The following SHISA5 variants were observed in gnomAD, a reference collection of about 807,000 sequenced individuals.
The protein encoded by SHISA5 is protein shisa-5.
In SHISA5, 21 loss-of-function variants were observed where a neutral mutation model predicts 27.5. The ratio of observed to expected loss-of-function variants is 0.76; its 90% CI spans 0.54 to 1.10. The LOEUF (loss-of-function observed/expected upper bound fraction) is 1.10, where lower values mean the gene tolerates loss of function less well. Ranked by LOEUF, SHISA5 falls within the 50% of genes least tolerant of loss-of-function variation. The pLI, the probability that SHISA5 is intolerant of heterozygous loss-of-function variation, is 0.00. For missense variants in SHISA5, 314 were observed against 336.3 expected, an observed-to-expected ratio of 0.93 and a Z score of 0.52; for synonymous variants, 137 against 142.2, an observed-to-expected ratio of 0.96 and a Z score of 0.26.
At chr3:48,496,764 A>G (rs2041566041) in intron 2 of SHISA5, among the ~76,000 whole-genome samples, 1 of 151,752 alleles carries the variant, frequency 6.6e-6, no homozygotes, top group Admixed American at 6.6e-5. Context: ...TTTAAACTAC[A>G]CTATTTATAA....
intron 2 of SHISA5, among the ~76,000 whole-genome samples, chr3:48,486,766 G>T (rs2041261086): frequency 6.7e-6 from 1 of 149,126 alleles, no homozygotes; most frequent in Admixed American, 6.8e-5. Context: ...ATAAAAATTT[G>T]CCAGGCATGG....
In SHISA5 at chr3:48,489,621, C is replaced by T. The variant is rs1299206906; in HGVS notation, c.234-10364G>A. ...ACAGGCTTGAGCCACTGCGCCTGGC[C>T]TTTTTTTTTTTTTTTTTTTTTTTTG... On this transcript the variant is annotated intron_variant, in intron 2 of 5. Transcript: ENST00000296444. Among the ~76,000 whole-genome samples, 368 of 80,904 alleles carry T rather than the reference C, an allele frequency of 4.5e-3. 3 individuals are homozygous for T. The highest frequency in any genetic ancestry group is 0.021 in the African/African-American group (356 of 17,086). 53.1% of individuals were successfully genotyped at this position (80,904 alleles called of 152,430 possible).
Position 48,501,369 on chromosome 3 carries a change from A to G in SHISA5, c.77-76T>C, listed in dbSNP as rs1377751444. Reference sequence around the variant, plus strand: ...GCAGACACAGCGCCCTCCCTGGCACAGCCACCAGACCACACACACACACAC... The same window carrying G: ...GCAGACACAGCGCCCTCCCTGGCACGGCCACCAGACCACACACACACACAC... On this transcript the variant is annotated intron_variant, in intron 1 of 5. Transcript: ENST00000296444. 2.6e-6 allele frequency: 4 copies of G among 1,510,630 alleles called. No individual in the cohort carries two copies. The East Asian group carries it at 9.0e-5, about 34-fold the overall frequency. 93.6% of individuals were successfully genotyped at this position (1,510,630 alleles called of 1,614,324 possible).
At chr3:48,499,812 C>A (rs1248846800) in intron 2 of SHISA5, among the ~76,000 whole-genome samples, 1 of 143,568 alleles carries the variant, frequency 7.0e-6, no homozygotes, top group Non-Finnish European at 1.5e-5. Context: ...TGCGGTGAGC[C>A]GAGATCACAT....
intron 2 of SHISA5, among the ~76,000 whole-genome samples, chr3:48,498,945 G>A (rs1203872908): frequency 6.6e-6 from 1 of 151,724 alleles, no homozygotes; most frequent in East Asian, 1.9e-4. Flanking sequence ...AGCCGGGCGT[G>A]GTGGCACATG....
At chr3:48,503,969 G>T in intron 1 of SHISA5, 50 bp downstream of exon 1, 8 of 1,447,034 alleles carry the variant, frequency 5.5e-6, no homozygotes, top group Non-Finnish European at 7.3e-6. Flanking sequence ...GCGCGGGGAA[G>T]TGTCTGCCCG....
At chr3:48,489,392 G>C (rs2041351525) in intron 2 of SHISA5, among the ~76,000 whole-genome samples, 1 of 151,608 alleles carries the variant, frequency 6.6e-6, no homozygotes, top group African/African-American at 2.4e-5. Flanking sequence ...CATGATCTCA[G>C]CTCACTGCAA....
intron 3 of SHISA5, chr3:48,476,812 C>T (rs1435040933): frequency 3.9e-6 from 1 of 254,260 alleles, no homozygotes. Context: ...GAGCATCACT[C>T]CAGTCACCTG....
At chr3:48,496,011 G>A (rs1258232220) in intron 2 of SHISA5, among the ~76,000 whole-genome samples, 14 of 147,002 alleles carry the variant, frequency 9.5e-5, no homozygotes, top group Admixed American at 8.6e-4. Context: ...ATTAGGCCGG[G>A]CGCAGTGGCT....
Position 48,501,216 on chromosome 3 carries a change from A to G in SHISA5, c.154T>C (p.Cys52Arg). ...TCAGAGCAGCAGTATTGGTCATCACAGGTACCACAGCAGAAATCTGGACAG... is the reference window on the plus strand; with the variant it reads ...TCAGAGCAGCAGTATTGGTCATCACGGGTACCACAGCAGAAATCTGGACAG... ...ESCPDFCCGT[C>R]DDQYCCSDVL... Residue 52 changes from cysteine to arginine, a missense_variant, in exon 2 of 6, where the codon TGT becomes CGT. Coordinates refer to ENST00000296444, the MANE Select transcript of SHISA5 (RefSeq NM_016479.6). 6.2e-7 allele frequency: 1 copy of G among 1,614,134 alleles called. No individual in the cohort carries two copies. Among genetic ancestry groups the G allele is most frequent in the South Asian group, 1.1e-5 (1 of 91,080 alleles).
At chr3:48,491,414 G>T (rs553725512) in intron 2 of SHISA5, among the ~76,000 whole-genome samples, 42 of 152,062 alleles carry the variant, frequency 2.8e-4, no homozygotes, top group African/African-American at 1.0e-3. Context: ...CACCGCGCCC[G>T]GCCTAACCAA....
intron 2 of SHISA5, among the ~76,000 whole-genome samples, chr3:48,496,699 A>C (rs1575330434): frequency 6.6e-6 from 1 of 151,130 alleles, no homozygotes; most frequent in Non-Finnish European, 1.5e-5. Context: ...ACGCCATCAC[A>C]CTCCAATCTG....
chr3:48,499,412 C>G (rs1301566059), intron 2 of SHISA5, among the ~76,000 whole-genome samples: 2 of 152,066 alleles, frequency 1.3e-5, no homozygotes, highest in African/African-American at 2.4e-5. Context: ...GGCGCGGTGG[C>G]TCATGCCTGT....
chr3:48,498,953 A>G (rs1201418802), intron 2 of SHISA5, among the ~76,000 whole-genome samples: 2 of 151,372 alleles, frequency 1.3e-5, no homozygotes, highest in African/African-American at 2.4e-5. Context: ...GTGGTGGCAC[A>G]TGCCTGTAAT....
rs11544094 is a variant in SHISA5 at position 48,473,050 on chromosome 3, C to T, written c.315-3207G>A. On this transcript the variant is annotated intron_variant, in intron 3 of 5. Transcript: ENST00000296444. This position sits in a 1 kb window ranked among gnomAD's most constrained non-coding sequence, Gnocchi z 4.3. ...GCCTTCACCCAGAGGCCTCCTGTAC[C>T]CCTGGGCTTTCCCCTCTTCCCATCG... The T allele has an allele frequency of 6.5e-7, 1 of 1,531,276 alleles. No homozygotes were observed. The highest frequency in any genetic ancestry group is 8.7e-7 in the Non-Finnish European group (1 of 1,145,678). 94.9% of individuals were successfully genotyped at this position (1,531,276 alleles called of 1,614,324 possible).
chr3:48,473,172 C>T lies in SHISA5; in HGVS notation c.315-3329G>A. ...CACAGGAAGCACAGACGCGAAGCCC[C>T]GTTCCACCCTCTTAAAGACACAGGA... is the stretch of plus-strand genomic sequence containing the variant. On this transcript the variant is annotated intron_variant, in intron 3 of 5. Coordinates refer to ENST00000296444, the MANE Select transcript of SHISA5 (RefSeq NM_016479.6). The surrounding 1 kb of genome is among the most constrained non-coding windows in gnomAD (Gnocchi z 4.3). 1 of 1,441,016 alleles carries T rather than the reference C, an allele frequency of 6.9e-7. No individual in the cohort carries two copies. Among genetic ancestry groups the T allele is most frequent in the South Asian group, 1.4e-5 (1 of 69,210 alleles). The allele number at this position is 1,441,016 out of a possible 1,614,324, so 89.3% of individuals were successfully genotyped here.
intron 2 of SHISA5, among the ~76,000 whole-genome samples, chr3:48,483,765 G>A (rs1483030687): frequency 1.3e-5 from 2 of 149,868 alleles, no homozygotes; most frequent in Non-Finnish European, 3.0e-5. Context: ...CCGGGCGGGG[G>A]GCTGACCCCA....
chr3:48,494,693 T>A (rs1202644329), intron 2 of SHISA5, among the ~76,000 whole-genome samples: 2 of 147,770 alleles, frequency 1.4e-5, no homozygotes, highest in Non-Finnish European at 2.9e-5. Flanking sequence ...GATTGCATAC[T>A]TTGGCTATTG....
chr3:48,494,299 C>CTTTT (rs1328472129), intron 2 of SHISA5, among the ~76,000 whole-genome samples: 1 of 129,736 alleles, frequency 7.7e-6, no homozygotes. Flanking sequence ...TCTGGATTTC[C>CTTTT]TTTTTTTTTT....
Sources: gnomAD v4.1 joint callset for allele counts (sites outside exome capture counted in the v4.1 genomes callset) on GRCh38, gnomAD v4.1.1 for gene constraint, Gnocchi (gnomAD v3.1) non-coding constraint, MANE v1.5 for transcripts, NCBI Gene and HGNC (gene_info 2026-07-23, HGNC 2026-07-21) for gene names.